Variants in KCNQ1 observed in about 807,000 individuals in gnomAD.
KCNQ1 encodes the protein potassium voltage-gated channel subfamily KQT member 1.
In KCNQ1, 49 loss-of-function variants were observed where a neutral mutation model predicts 72.4. That is an observed-to-expected ratio of 0.68 (90% CI 0.54 to 0.86). The LOEUF (loss-of-function observed/expected upper bound fraction) is 0.86, where lower values mean the gene tolerates loss of function less well. KCNQ1 is among the 40% of genes least tolerant of loss of function. KCNQ1 has a pLI of 0.00. For synonymous variants in KCNQ1, 450 were observed against 412.6 expected, an observed-to-expected ratio of 1.09 and a Z score of -1.10; for missense variants, 790 against 945.1, an observed-to-expected ratio of 0.84 and a Z score of 2.15.
intron 10 of KCNQ1, chr11:2,632,575 A>T (rs185230263): frequency 1.5e-5 from 6 of 398,344 alleles, no homozygotes; most frequent in African/African-American, 1.2e-4. Context: ...GGATATACAC[A>T]GTGATATTGT....
chr11:2,622,736 C>G (rs927658923), intron 10 of KCNQ1: 8 of 398,322 alleles, frequency 2.0e-5, no homozygotes, highest in African/African-American at 1.4e-4. Flanking sequence ...ATTTTTAGAG[C>G]AGTTTTAGGG....
chr11:2,513,062 T>C (rs537941213), intron 1 of KCNQ1, among the ~76,000 whole-genome samples: 2 of 152,186 alleles, frequency 1.3e-5, no homozygotes, highest in South Asian at 4.2e-4. Flanking sequence ...AGAGCGGTCC[T>C]TGGAGGAGAG....
At position 2,663,439 on chromosome 11, in the gene KCNQ1, T is replaced by G. The variant is rs1221239580; in HGVS notation, c.1514+1358T>G. On this transcript the variant is annotated intron_variant, in intron 11 of 15. Transcript: ENST00000155840. This position sits in a 1 kb window ranked among gnomAD's most constrained non-coding sequence, Gnocchi z 5.2. ...GGCCTGTACCAAGTCCTGGATATGATGGACCTCCAAAGTGATCAGTGTTAG... is the reference window on the plus strand; with the variant it reads ...GGCCTGTACCAAGTCCTGGATATGAGGGACCTCCAAAGTGATCAGTGTTAG... 1.0e-5 allele frequency: 4 copies of G among 398,670 alleles called. No individual in the cohort carries two copies. Among genetic ancestry groups the G allele is most frequent in the Non-Finnish European group, 1.8e-5 (4 of 226,176 alleles). 24.7% of individuals were successfully genotyped at this position (398,670 alleles called of 1,614,324 possible).
At chr11:2,779,861 A>C (rs1564890638) in intron 15 of KCNQ1, among the ~76,000 whole-genome samples, 1 of 152,210 alleles carries the variant, frequency 6.6e-6, no homozygotes, top group African/African-American at 2.4e-5. Context: ...CCTTGAAGGC[A>C]CAAAATTATG....
chr11:2,800,358 C>T (rs900195926), intron 15 of KCNQ1, among the ~76,000 whole-genome samples: 7 of 152,216 alleles, frequency 4.6e-5, no homozygotes, highest in South Asian at 2.1e-4. Context: ...AGGTTTCCAG[C>T]GCCTCAGTGC....
At chr11:2,576,646 G>A (rs913223888) in intron 6 of KCNQ1, among the ~76,000 whole-genome samples, 4 of 152,224 alleles carry the variant, frequency 2.6e-5, no homozygotes, top group Middle Eastern at 3.2e-3. Flanking sequence ...TCCTCACCTG[G>A]AGCCTCCAGA....
chr11:2,615,612 G>C (rs1278152197), intron 10 of KCNQ1: 1 of 397,828 alleles, frequency 2.5e-6, no homozygotes, highest in Non-Finnish European at 4.4e-6. Flanking sequence ...TTTGTCAAAT[G>C]CTTGTTCTGA....
intron 11 of KCNQ1, chr11:2,684,227 C>T (rs1322746986): frequency 1.0e-5 from 4 of 398,520 alleles, no homozygotes; most frequent in Middle Eastern, 1.2e-3. Flanking sequence ...TGTCTGTTAA[C>T]TGACCCTACC....
rs891164478 is a variant in KCNQ1 at position 2,698,214 on chromosome 11, T to G, written c.1514+36133T>G. 1.0e-5 allele frequency: 4 copies of G among 398,642 alleles called. No homozygotes were observed. The highest frequency in any genetic ancestry group is 1.8e-5 in the Non-Finnish European group (4 of 226,068). 24.7% of individuals were successfully genotyped at this position (398,642 alleles called of 1,614,324 possible). On this transcript the variant is annotated intron_variant, in intron 11 of 15. Coordinates refer to ENST00000155840, the MANE Select transcript of KCNQ1 (RefSeq NM_000218.3). The surrounding 1 kb of genome is among the most constrained non-coding windows in gnomAD (Gnocchi z 5.1). ...CCACAGTAAAGAAAGAACTGGTAAA[T>G]GCACATCAAATGTGGATATTATCAG...
intron 15 of KCNQ1, among the ~76,000 whole-genome samples, chr11:2,779,320 G>A (rs1000936239): frequency 6.6e-6 from 1 of 152,176 alleles, no homozygotes; most frequent in African/African-American, 2.4e-5. Flanking sequence ...GCAAGGGCTG[G>A]GTGACTCCTG....
At position 2,509,136 on chromosome 11, in the gene KCNQ1, G is replaced by C. The variant is rs1847151759; in HGVS notation, c.387-18792G>C. Among the ~76,000 whole-genome samples the C allele has an allele frequency of 6.6e-6, 1 of 152,244 alleles. No individual in the cohort carries two copies. Among genetic ancestry groups the C allele is most frequent in the African/African-American group, 2.4e-5 (1 of 41,462 alleles). ...GGAATTTGGGGGTCCCTGGGGGAAG[G>C]ACTCTGTTACCAAAAGCACACAGCA... On this transcript the variant is annotated intron_variant, in intron 1 of 15. Coordinates refer to ENST00000155840, the MANE Select transcript of KCNQ1 (RefSeq NM_000218.3). This position sits in a 1 kb window ranked among gnomAD's most constrained non-coding sequence, Gnocchi z 6.3.
intron 11 of KCNQ1, among the ~76,000 whole-genome samples, chr11:2,754,680 C>T (rs936860551): frequency 4.6e-5 from 7 of 152,158 alleles, no homozygotes; most frequent in African/African-American, 1.7e-4. Flanking sequence ...CCACCTCATG[C>T]AATCTATAAA....
In KCNQ1 at chr11:2,664,226, G is replaced by T. The variant is rs139142869; in HGVS notation, c.1514+2145G>T. 8.5e-5 allele frequency: 34 copies of T among 398,980 alleles called. No individual in the cohort carries two copies. The Admixed American group carries it at 1.1e-3, about 13-fold the overall frequency. 24.7% of individuals were successfully genotyped at this position (398,980 alleles called of 1,614,324 possible). A position where few individuals can be genotyped will look rare whatever the true frequency, so the allele number is the denominator to read the frequency against. ...AAGGAGCCCAGGCATGGGGCTTGGG[G>T]TGAGGGATCTGAAGAGGGGACTGGG... On this transcript the variant is annotated intron_variant, in intron 11 of 15. Coordinates refer to ENST00000155840, the MANE Select transcript of KCNQ1 (RefSeq NM_000218.3). This position sits in a 1 kb window ranked among gnomAD's most constrained non-coding sequence, Gnocchi z 5.1.
At position 2,720,377 on chromosome 11, in the gene KCNQ1, C is replaced by T. The variant is rs183662414; in HGVS notation, c.1515-48467C>T. Among the ~76,000 whole-genome samples, 2 of 152,324 alleles carry T rather than the reference C, an allele frequency of 1.3e-5. No individual in the cohort carries two copies. The highest frequency in any genetic ancestry group is 1.3e-4 in the Admixed American group (2 of 15,302). ...TTCCGGGGCCCGGCTACAGTCAGGC[C>T]TCCTTCGTGCTGAGCATGTGCTGGC... On this transcript the variant is annotated intron_variant, in intron 11 of 15. Transcript: ENST00000155840. The surrounding 1 kb of genome is among the most constrained non-coding windows in gnomAD (Gnocchi z 5.1).
rs1034233592 is a variant in KCNQ1 at position 2,611,414 on chromosome 11, G to A, written c.1393+22560G>A. On this transcript the variant is annotated intron_variant, in intron 10 of 15. Transcript: ENST00000155840. The surrounding 1 kb of genome is among the most constrained non-coding windows in gnomAD (Gnocchi z 5.3). ...TTTAGTAGAGACAGAGTTTCACCAT[G>A]TTGACCAGGCTGGTCTTGAACTCCT... 18 of 397,594 alleles carry A rather than the reference G, an allele frequency of 4.5e-5. No individual in the cohort carries two copies. The highest frequency in any genetic ancestry group is 7.1e-5 in the Non-Finnish European group (16 of 226,022). The allele number at this position is 397,594 out of a possible 1,614,324, so 24.6% of individuals were successfully genotyped here.
Position 2,766,926 on chromosome 11 carries a change from C to G in KCNQ1, c.1515-1918C>G, listed in dbSNP as rs1315270476. The stretch of plus-strand genomic sequence containing the variant: ...GGGCATGGTGGCTCATGCCTGTAAT[C>G]CCAGCACTTTTGGAGGCCAAGGCGG... On this transcript the variant is annotated intron_variant, in intron 11 of 15. Coordinates refer to ENST00000155840, the MANE Select transcript of KCNQ1 (RefSeq NM_000218.3). This position sits in a 1 kb window ranked among gnomAD's most constrained non-coding sequence, Gnocchi z 4.4. 6.6e-6 allele frequency among the ~76,000 whole-genome samples: 1 copy of G among 152,180 alleles called. No homozygotes were observed. Among genetic ancestry groups the G allele is most frequent in the Non-Finnish European group, 1.5e-5 (1 of 68,038 alleles).
At chr11:2,637,946 C>T (rs1455888594) in intron 10 of KCNQ1, 5 of 151,974 alleles carry the variant, frequency 3.3e-5, no homozygotes, top group African/African-American at 9.7e-5. Flanking sequence ...ATGACCTTGT[C>T]TCTTTTGATC....
chr11:2,794,114 G>A (rs531003687), intron 15 of KCNQ1, among the ~76,000 whole-genome samples: 128 of 152,294 alleles, frequency 8.4e-4, no homozygotes, highest in Admixed American at 4.8e-3. Context: ...GGGTGGCTCC[G>A]GCTTCGTGGG....
Position 2,679,708 on chromosome 11 carries a change from T to C in KCNQ1, c.1514+17627T>C. ...ATTAGATTTTTTTTAAATCAGCCGT[T>C]CTCTGTATTCTTGTCCAGATGCTGT... is the stretch of plus-strand genomic sequence containing the variant. On this transcript the variant is annotated intron_variant, in intron 11 of 15. Coordinates refer to ENST00000155840, the MANE Select transcript of KCNQ1 (RefSeq NM_000218.3). The surrounding 1 kb of genome is among the most constrained non-coding windows in gnomAD (Gnocchi z 4.8). 2.5e-6 allele frequency: 1 copy of C among 398,536 alleles called. No individual in the cohort carries two copies. The highest frequency in any genetic ancestry group is 4.4e-6 in the Non-Finnish European group (1 of 226,050). The allele number at this position is 398,536 out of a possible 1,614,324, so 24.7% of individuals were successfully genotyped here.
Sources: allele counts gnomAD v4.1 joint callset (sites outside exome capture counted in the v4.1 genomes callset), GRCh38; gene constraint gnomAD v4.1.1; non-coding constraint Gnocchi (gnomAD v3.1); transcripts MANE v1.5; gene names NCBI Gene and HGNC (gene_info 2026-07-23, HGNC 2026-07-21).